ANGPT1: variants seen among roughly 807,000 people sequenced by gnomAD.
ANGPT1 encodes the protein angiopoietin 1, also known as angiopoietin-1.
Under a neutral mutation model 62.2 loss-of-function variants are expected in ANGPT1, and 17 were observed. The ratio of observed to expected loss-of-function variants is 0.27; its 90% confidence interval spans 0.19 to 0.41. ANGPT1 has a LOEUF of 0.41. Ranked by LOEUF, ANGPT1 falls within the 10% of genes least tolerant of loss-of-function variation. The pLI is 1.00. For synonymous variants in ANGPT1, 199 were observed against 198.9 expected (o/e 1.00, Z 0.00); for missense variants, 478 against 594.9 (o/e 0.80, Z 2.04).
At chr8:107,301,378 G>A (rs1814583967) in intron 5 of ANGPT1, among the ~76,000 whole-genome samples, 1 of 151,770 alleles carries the variant, frequency 6.6e-6, no homozygotes, top group Non-Finnish European at 1.5e-5. Context: ...TAAAGCAAAT[G>A]TTTTAACTCC....
intron 1 of ANGPT1, among the ~76,000 whole-genome samples, chr8:107,436,407 G>A (rs1811335081): frequency 6.6e-6 from 1 of 152,092 alleles, no homozygotes; most frequent in Non-Finnish European, 1.5e-5. Context: ...ATGTTCTTTT[G>A]GGCTTTGGTG....
intron 1 of ANGPT1, among the ~76,000 whole-genome samples, chr8:107,477,936 A>G (rs1405430210): frequency 6.6e-6 from 1 of 152,126 alleles, no homozygotes; most frequent in Non-Finnish European, 1.5e-5. Flanking sequence ...AAAAATTGGT[A>G]TAAAATGAAT....
intron 1 of ANGPT1, among the ~76,000 whole-genome samples, chr8:107,367,426 T>C (rs577561722): frequency 6.6e-6 from 1 of 152,306 alleles, no homozygotes; most frequent in East Asian, 1.9e-4. Context: ...TGCTGACTGA[T>C]CAGGGTGGGG....
chr8:107,383,694 A>G (rs1277187867), intron 1 of ANGPT1, among the ~76,000 whole-genome samples: 1 of 152,144 alleles, frequency 6.6e-6, no homozygotes. Context: ...AAACTTTGGG[A>G]GAAACTGTTA....
intron 1 of ANGPT1, among the ~76,000 whole-genome samples, chr8:107,353,729 A>AGT (rs1815981497): frequency 6.6e-6 from 1 of 152,148 alleles, no homozygotes; most frequent in Admixed American, 6.5e-5. Context: ...ATATGTGGTA[A>AGT]GTGTGTGCTG....
chr8:107,278,504 G>T (rs990974767), intron 7 of ANGPT1, among the ~76,000 whole-genome samples: 1 of 152,164 alleles, frequency 6.6e-6, no homozygotes, highest in Non-Finnish European at 1.5e-5. Context: ...AGGCATAAAA[G>T]TAATATCAAC....
At chr8:107,296,166 G>A (rs75379309) in intron 5 of ANGPT1, among the ~76,000 whole-genome samples, 2 of 152,216 alleles carry the variant, frequency 1.3e-5, no homozygotes, top group East Asian at 1.9e-4. Flanking sequence ...AAAGAAAAAG[G>A]TGGAAACAGA....
At chr8:107,269,054 T>G (rs538037686) in intron 7 of ANGPT1, among the ~76,000 whole-genome samples, 1 of 152,172 alleles carries the variant, frequency 6.6e-6, no homozygotes, top group South Asian at 2.1e-4. Context: ...TAAAAATCAT[T>G]TCTTCTAAAC....
At chr8:107,351,294 T>C (rs1815926723) in intron 1 of ANGPT1, among the ~76,000 whole-genome samples, 1 of 152,200 alleles carries the variant, frequency 6.6e-6, no homozygotes. Flanking sequence ...ATAGCTTTTG[T>C]ACACATTGTC....
intron 1 of ANGPT1, among the ~76,000 whole-genome samples, chr8:107,381,825 G>A (rs147223573): frequency 6.6e-6 from 1 of 152,162 alleles, no homozygotes. Flanking sequence ...GCCCTACAGG[G>A]TATTAATTTT....
intron 1 of ANGPT1, among the ~76,000 whole-genome samples, chr8:107,441,989 C>G (rs528754628): frequency 1.3e-5 from 2 of 151,978 alleles, no homozygotes; most frequent in Non-Finnish European, 2.9e-5. Flanking sequence ...GAGGTTGATG[C>G]AGGAGAATCG....
At chr8:107,322,174 C>G in intron 3 of ANGPT1, 46 bp from the exon 4 acceptor site, 1 of 1,355,102 alleles carries the variant, frequency 7.4e-7, no homozygotes, top group Non-Finnish European at 1.0e-6. Flanking sequence ...AAATGTTATA[C>G]AAAAAAACCC....
intron 1 of ANGPT1, among the ~76,000 whole-genome samples, chr8:107,386,029 T>C (rs1202098614): frequency 1.3e-5 from 2 of 151,944 alleles, no homozygotes; most frequent in African/African-American, 4.8e-5. Flanking sequence ...AAAGAAAATA[T>C]GGTACTTATA....
intron 1 of ANGPT1, among the ~76,000 whole-genome samples, chr8:107,470,525 A>T (rs1812325351): frequency 6.6e-6 from 1 of 152,094 alleles, no homozygotes; most frequent in South Asian, 2.1e-4. Flanking sequence ...TAGATTCTAG[A>T]TATTAGCCCT....
At position 107,343,096 on chromosome 8, in the gene ANGPT1, T is replaced by C. The variant is rs78397949; in HGVS notation, c.453+3846A>G. Among the ~76,000 whole-genome samples, 902 of 151,062 alleles carry C rather than the reference T, an allele frequency of 6.0e-3. 14 individuals carry two copies. The highest frequency in any genetic ancestry group is 0.021 in the African/African-American group (849 of 41,172). ...GTCATTTTTCCACCTGGCTCTTCCC[T>C]AAAGTGCTGAGATTTTAGGTGCGGG... On this transcript the variant is annotated intron_variant, in intron 2 of 8. Coordinates refer to ENST00000517746, the MANE Select transcript of ANGPT1 (RefSeq NM_001146.5).
intron 3 of ANGPT1, among the ~76,000 whole-genome samples, chr8:107,330,626 G>A (rs1815398634): frequency 6.6e-6 from 1 of 152,128 alleles, no homozygotes; most frequent in Non-Finnish European, 1.5e-5. Flanking sequence ...GGACTGGAGT[G>A]GCACATAGCT....
intron 1 of ANGPT1, among the ~76,000 whole-genome samples, chr8:107,445,564 A>T (rs17301273): frequency 0.31 from 47,768 of 151,990 alleles, 8,197 homozygotes; most frequent in Middle Eastern, 0.47. Flanking sequence ...CATTGTAGGC[A>T]ATCTGTTCAC....
chr8:107,269,888 C>CA (rs1295429753), intron 7 of ANGPT1, among the ~76,000 whole-genome samples: 2 of 151,948 alleles, frequency 1.3e-5, no homozygotes, highest in Non-Finnish European at 2.9e-5. Flanking sequence ...TTTCAATTAG[C>CA]ATATCATGGG....
At chr8:107,490,853 T>G (rs1043356040) in intron 1 of ANGPT1, among the ~76,000 whole-genome samples, 6 of 152,234 alleles carry the variant, frequency 3.9e-5, no homozygotes, top group Non-Finnish European at 8.8e-5. Context: ...GTGGTTGTTC[T>G]TCAATAAAGC....
Sources: gnomAD v4.1 joint callset for allele counts (sites outside exome capture counted in the v4.1 genomes callset) on GRCh38, gnomAD v4.1.1 for gene constraint, MANE v1.5 for transcripts, NCBI Gene and HGNC (gene_info 2026-07-23, HGNC 2026-07-21) for gene names.